Variants in SPPL2B observed in about 807,000 individuals in gnomAD.
The protein encoded by SPPL2B is signal peptide peptidase-like 2B.
SPPL2B carries 39 observed loss-of-function variants against 59.7 expected under a neutral mutation model. The ratio of observed to expected loss-of-function variants is 0.65; its 90% confidence interval spans 0.51 to 0.85. The LOEUF is 0.85. Ranked by LOEUF, SPPL2B falls within the 40% of genes least tolerant of loss-of-function variation. SPPL2B has a pLI of 0.00. For missense variants in SPPL2B, 865 were observed against 849.0 expected (o/e 1.02, Z -0.23); for synonymous variants, 419 against 370.8 (o/e 1.13, Z -1.49).
intron 14 of SPPL2B, 25 bp from the exon 15 acceptor site, chr19:2,352,921 C>T: frequency 6.2e-7 from 1 of 1,611,404 alleles, no homozygotes; most frequent in Non-Finnish European, 8.5e-7. Context: ...GTCTCCGCCT[C>T]ACCTCTGCCT....
chr19:2,340,019 G>T, intron 6 of SPPL2B, 53 bp downstream of exon 6: 1 of 1,557,056 alleles, frequency 6.4e-7, no homozygotes, highest in Non-Finnish European at 8.7e-7. Context: ...CCCGCCCCGT[G>T]CGGAGGGAGG....
rs573406466 is a variant in SPPL2B at position 2,334,685 on chromosome 19, G to A, written c.150G>A (p.Pro50=). 7.4e-6 allele frequency: 12 copies of A among 1,611,688 alleles called. No homozygotes were observed. Among genetic ancestry groups the A allele is most frequent in the East Asian group, 6.7e-5 (3 of 44,746 alleles). The change falls in exon 2 of 15, where the codon CCG becomes CCA. Residue 50 remains proline, a synonymous_variant. Transcript: ENST00000613503. ...EGKDYCILYN[P]QWAHLPHDLS... ...AAGACTACTGCATCCTCTACAACCC[G>A]CAGTGGGCCCATCTTCCGCACGACC...
Position 2,340,191 on chromosome 19 carries a change from C to T in SPPL2B, c.839+19C>T. The T allele has an allele frequency of 1.3e-6, 2 of 1,523,292 alleles. No homozygotes were observed. Among genetic ancestry groups the T allele is most frequent in the Non-Finnish European group, 8.8e-7 (1 of 1,139,654 alleles). The allele number at this position is 1,523,292 out of a possible 1,614,324, so 94.4% of individuals were successfully genotyped here. A position where few individuals can be genotyped will look rare whatever the true frequency, so the allele number is the denominator to read the frequency against. ...AGTGCAGGTGAGTCTGCCCTGCTGGCCCCGACGTGCCTGACTCTGTGCGGT... is the reference window on the plus strand; with the variant it reads ...AGTGCAGGTGAGTCTGCCCTGCTGGTCCCGACGTGCCTGACTCTGTGCGGT... On this transcript the variant is annotated intron_variant, in intron 7 of 14. Transcript: ENST00000613503.
At chr19:2,344,267 C>T in intron 10 of SPPL2B, 95 bp from the exon 11 acceptor site, 1 of 691,518 alleles carries the variant, frequency 1.4e-6, no homozygotes, top group Non-Finnish European at 2.3e-6. Context: ...CTTGCACCCC[C>T]CCATCGCATC....
intron 2 of SPPL2B, among the ~76,000 whole-genome samples, chr19:2,335,775 C>T (rs917002233): frequency 6.6e-6 from 1 of 152,224 alleles, no homozygotes; most frequent in Non-Finnish European, 1.5e-5. Flanking sequence ...CCTCCTTTCC[C>T]ACTGTGTCCC....
chr19:2,340,155 GC>G lies in SPPL2B; in HGVS notation c.825del (p.Phe276SerfsTer62). On this transcript the variant is annotated frameshift_variant, in exon 7 of 15. Transcript: ENST00000613503. LOFTEE classifies it high-confidence loss of function. ...GCCTGGCGCCCTGTGTGCGGCGGCT[GC>G]CCTTCGGCAAGTGCAGGTGAGTCTG... is the stretch of plus-strand genomic sequence containing the variant. ...SCLAPCVRRLPFGKCRIPNNS... is the reference protein window; with the variant it reads ...SCLAPCVRRLXFGKCRIPNNS... The G allele has an allele frequency of 6.4e-7, 1 of 1,574,278 alleles. No individual in the cohort carries two copies. The highest frequency in any genetic ancestry group is 8.6e-7 in the Non-Finnish European group (1 of 1,167,304).
rs777115579 is a variant in SPPL2B at position 2,338,747 on chromosome 19, C to T, written c.370-5C>T. 1.2e-6 allele frequency: 2 copies of T among 1,611,416 alleles called. No individual in the cohort carries two copies. Among genetic ancestry groups the T allele is most frequent in the South Asian group, 2.2e-5 (2 of 90,982 alleles). Reference sequence around the variant, plus strand: ...TGCCTGCCGCTCCCTCCTCTGGGCCCCCAGGTCCCCCCGGGGGGTAATAAG... The same window carrying T: ...TGCCTGCCGCTCCCTCCTCTGGGCCTCCAGGTCCCCCCGGGGGGTAATAAG... On this transcript the variant is annotated splice_region_variant and splice_polypyrimidine_tract_variant and intron_variant, in intron 3 of 14. Coordinates refer to ENST00000613503, the MANE Select transcript of SPPL2B (RefSeq NM_152988.3).
intron 10 of SPPL2B, 99 bp downstream of exon 10, chr19:2,344,138 C>CG: frequency 1.8e-6 from 1 of 551,118 alleles, no homozygotes; most frequent in Non-Finnish European, 3.0e-6. Context: ...GCCCCCTCGT[C>CG]CCGCCCCCTC....
intron 8 of SPPL2B, 75 bp from the exon 9 acceptor site, chr19:2,343,136 T>G: frequency 8.3e-7 from 1 of 1,198,046 alleles, no homozygotes; most frequent in Non-Finnish European, 1.2e-6. Context: ...AAGGGCCCTG[T>G]GTGGCTCGTG....
At position 2,339,870 on chromosome 19, in the gene SPPL2B, G is replaced by T; in HGVS notation, c.646G>T (p.Asp216Tyr). 2.5e-6 allele frequency: 4 copies of T among 1,602,642 alleles called. No homozygotes were observed. The highest frequency in any genetic ancestry group is 3.4e-6 in the Non-Finnish European group (4 of 1,174,704). The change falls in exon 6 of 15, where the codon GAC becomes TAC. Residue 216 changes from aspartate (D) to tyrosine (Y), a missense_variant. By Grantham distance (160) the Asp-to-Tyr change is radical. Coordinates refer to ENST00000613503, the MANE Select transcript of SPPL2B (RefSeq NM_152988.3). ...CGACGATGGGCCCGAGAAGCAGGAG[G>T]ACGAGGCGGTGGACGTGACGCCGGT... Reference protein sequence around the residue: ...KRDDGPEKQEDEAVDVTPVMT... With the variant: ...KRDDGPEKQEYEAVDVTPVMT...
intron 13 of SPPL2B, among the ~76,000 whole-genome samples, chr19:2,350,388 C>T (rs12985653): frequency 1.4e-3 from 204 of 148,478 alleles, no homozygotes; most frequent in Admixed American, 2.1e-3. Flanking sequence ...CACACACTCG[C>T]GTTCTCATTC....
intron 13 of SPPL2B, among the ~76,000 whole-genome samples, chr19:2,348,410 C>G (rs1440703672): frequency 9.1e-6 from 1 of 110,014 alleles, no homozygotes; most frequent in Non-Finnish European, 1.9e-5. Context: ...CTCACGCGCT[C>G]TCATTCGCTT....
chr19:2,334,850 A>C lies in SPPL2B; in HGVS notation c.186+129A>C, dbSNP rs566954778. The C allele has an allele frequency of 1.2e-4, 143 of 1,219,008 alleles. 1 individual carries two copies. The Admixed American group carries it at 4.4e-3, about 38-fold the overall frequency. 75.5% of individuals were successfully genotyped at this position (1,219,008 alleles called of 1,614,324 possible). ...GGCAGGCCCTGACCAGGTCTGGGGG[A>C]CTCTTAGCTGGCCCCCAGTTCCCCT... On this transcript the variant is annotated intron_variant, in intron 2 of 14. Transcript: ENST00000613503.
At chr19:2,334,088 G>C (rs1968428758) in intron 1 of SPPL2B, among the ~76,000 whole-genome samples, 1 of 152,170 alleles carries the variant, frequency 6.6e-6, no homozygotes, top group South Asian at 2.1e-4. Context: ...GTGTGCCTTG[G>C]AGCACCAGCC....
In SPPL2B at chr19:2,332,056, A is replaced by C. The variant is rs1968318456; in HGVS notation, c.67-2546A>C. ...CTAAGGGGTGCTCTCACGGGCAGGCAGTCTGGTGGGCAGAACTGGAAAGAA... is the reference window on the plus strand; with the variant it reads ...CTAAGGGGTGCTCTCACGGGCAGGCCGTCTGGTGGGCAGAACTGGAAAGAA... On this transcript the variant is annotated intron_variant, in intron 1 of 14. Transcript: ENST00000613503. The surrounding 1 kb of genome is among the most constrained non-coding windows in gnomAD (Gnocchi z 4.6). Among the ~76,000 whole-genome samples the C allele has an allele frequency of 6.6e-6, 1 of 152,196 alleles. No homozygotes were observed. Among genetic ancestry groups the C allele is most frequent in the Non-Finnish European group, 1.5e-5 (1 of 68,020 alleles).
chr19:2,352,933 C>A lies in SPPL2B; in HGVS notation c.1516-13C>A. 6.2e-7 allele frequency: 1 copy of A among 1,612,048 alleles called. No homozygotes were observed. The highest frequency in any genetic ancestry group is 8.5e-7 in the Non-Finnish European group (1 of 1,179,610). On this transcript the variant is annotated splice_polypyrimidine_tract_variant and intron_variant, in intron 14 of 14. Transcript: ENST00000613503. ...CCTGTCTCCGCCTCACCTCTGCCTCCCTTCTCCTGTAGAAAGTCCTACCTC... is the reference window on the plus strand; with the variant it reads ...CCTGTCTCCGCCTCACCTCTGCCTCACTTCTCCTGTAGAAAGTCCTACCTC...
In SPPL2B at chr19:2,337,618, A is replaced by G. The variant is rs754328166; in HGVS notation, c.362A>G (p.Glu121Gly). 4.4e-6 allele frequency: 7 copies of G among 1,579,846 alleles called. No individual in the cohort carries two copies. Among genetic ancestry groups the G allele is most frequent in the Non-Finnish European group, 6.0e-6 (7 of 1,161,640 alleles). Residue 121 changes from glutamate (E) to glycine (G), a missense_variant, in exon 3 of 15, where the codon GAG becomes GGG. Physicochemically the swap from Glu to Gly is moderately conservative, Grantham distance 98. Transcript: ENST00000613503. The stretch of plus-strand genomic sequence containing the variant: ...CGCGGGCTGCTCATCGTCAGCAGGG[A>G]GAGGCTGGTACGGCCCTGTGCGTCC... Reference protein sequence around the residue: ...GARGLLIVSRERLVPPGGNKT... With the variant: ...GARGLLIVSRGRLVPPGGNKT...
At chr19:2,352,339 G>A (rs770228790) in intron 14 of SPPL2B, among the ~76,000 whole-genome samples, 7 of 152,216 alleles carry the variant, frequency 4.6e-5, no homozygotes, top group Admixed American at 3.3e-4. Context: ...TCCTCAGGCT[G>A]TTGGGCATGG....
At chr19:2,330,919 A>G (rs1265104190) in intron 1 of SPPL2B, among the ~76,000 whole-genome samples, 1 of 152,088 alleles carries the variant, frequency 6.6e-6, no homozygotes, top group Non-Finnish European at 1.5e-5. Flanking sequence ...CCCTGGTTGT[A>G]AATACACCCT....
Sources: gnomAD v4.1 joint callset for allele counts (sites outside exome capture counted in the v4.1 genomes callset) on GRCh38, gnomAD v4.1.1 for gene constraint, Gnocchi (gnomAD v3.1) non-coding constraint, MANE v1.5 for transcripts, NCBI Gene and HGNC (gene_info 2026-07-23, HGNC 2026-07-21) for gene names.